Variants in KAZN observed in about 807,000 individuals in gnomAD.
The protein encoded by KAZN is kazrin, periplakin interacting protein.
Under a neutral mutation model 87.4 loss-of-function variants are expected in KAZN, and 40 were observed. That is an observed-to-expected ratio of 0.46 (90% CI 0.36 to 0.60). The LOEUF is 0.60. Among genes scored for constraint, KAZN ranks in the 20% least tolerant of loss-of-function variants. KAZN has a pLI of 0.00. For missense variants in KAZN, 898 were observed against 1,073.9 expected (o/e 0.84, Z 2.29); for synonymous variants, 466 against 458.3 (o/e 1.02, Z -0.22).
intron 2 of KAZN, among the ~76,000 whole-genome samples, chr1:14,317,890 C>CTT (rs777263233): frequency 1.3e-4 from 20 of 151,904 alleles, no homozygotes; most frequent in Non-Finnish European, 2.1e-4. Flanking sequence ...AGTTATTGCA[C>CTT]TTTATTTTTT....
intron 3 of KAZN, among the ~76,000 whole-genome samples, chr1:15,039,850 T>G (rs993640004): frequency 4.6e-5 from 7 of 152,224 alleles, no homozygotes; most frequent in African/African-American, 1.7e-4. Flanking sequence ...TGGCTATGAC[T>G]GCCGGGGGCA....
chr1:14,059,221 A>C (rs1642693133), intron 1 of KAZN, among the ~76,000 whole-genome samples: 1 of 152,220 alleles, frequency 6.6e-6, no homozygotes, highest in African/African-American at 2.4e-5. Flanking sequence ...TCCCCACAGT[A>C]GGTCACCTGT....
chr1:14,713,661 C>T (rs998768666), intron 1 of KAZN, among the ~76,000 whole-genome samples: 23 of 150,344 alleles, frequency 1.5e-4, no homozygotes, highest in Non-Finnish European at 2.2e-4. Context: ...CAAGGCTAGC[C>T]GAGTACAGTG....
At chr1:15,062,963 G>A (rs2100545300) in intron 6 of KAZN, 1 of 152,738 alleles carries the variant, frequency 6.5e-6, no homozygotes, top group African/African-American at 2.4e-5. Context: ...TGCCTGGAAG[G>A]AGCACTGTGC....
At chr1:14,022,384 C>T (rs1315909089) in intron 1 of KAZN, among the ~76,000 whole-genome samples, 1 of 144,140 alleles carries the variant, frequency 6.9e-6, no homozygotes, top group Non-Finnish European at 1.5e-5. Flanking sequence ...TGCAAGTACA[C>T]AATAAATGAT....
At chr1:14,515,824 C>G (rs1671269442) in intron 2 of KAZN, among the ~76,000 whole-genome samples, 1 of 151,946 alleles carries the variant, frequency 6.6e-6, no homozygotes, top group Admixed American at 6.6e-5. Flanking sequence ...TCAAATGGTT[C>G]TTACTTCTCC....
At chr1:14,097,936 A>G (rs1435140875) in intron 1 of KAZN, among the ~76,000 whole-genome samples, 1 of 152,188 alleles carries the variant, frequency 6.6e-6, no homozygotes, top group Non-Finnish European at 1.5e-5. Context: ...GCATGCCATG[A>G]TAGTGTCAGT....
chr1:14,417,584 C>G (rs973921579), intron 2 of KAZN, among the ~76,000 whole-genome samples: 1 of 152,160 alleles, frequency 6.6e-6, no homozygotes, highest in Non-Finnish European at 1.5e-5. Context: ...TGGTTGGAGT[C>G]AAACCAGAGA....
intron 2 of KAZN, among the ~76,000 whole-genome samples, chr1:15,004,425 T>C (rs1222161082): frequency 6.6e-6 from 1 of 152,214 alleles, no homozygotes; most frequent in African/African-American, 2.4e-5. Flanking sequence ...TGGGCATGGC[T>C]CTCAGCTTTG....
intron 1 of KAZN, among the ~76,000 whole-genome samples, chr1:14,695,486 C>A (rs995335913): frequency 8.6e-6 from 1 of 116,788 alleles, no homozygotes; most frequent in African/African-American, 2.8e-5. Flanking sequence ...GGAATGCCAC[C>A]TCTTTCCCCA....
chr1:14,814,625 G>A (rs1646512353), intron 1 of KAZN, among the ~76,000 whole-genome samples: 1 of 152,192 alleles, frequency 6.6e-6, no homozygotes, highest in Non-Finnish European at 1.5e-5. Flanking sequence ...TGAAAACCCA[G>A]CAAGGGCTCC....
intron 1 of KAZN, among the ~76,000 whole-genome samples, chr1:14,728,789 G>C (rs1643539753): frequency 6.6e-6 from 1 of 152,154 alleles, no homozygotes; most frequent in Non-Finnish European, 1.5e-5. Flanking sequence ...GAACAAATTT[G>C]TGAAGGCCTC....
At chr1:15,043,116 A>G (rs1051290655) in intron 3 of KAZN, among the ~76,000 whole-genome samples, 3 of 152,306 alleles carry the variant, frequency 2.0e-5, no homozygotes, top group Admixed American at 6.5e-5. Flanking sequence ...GGGCTGGGGC[A>G]AGCGGCTGAG....
intron 2 of KAZN, among the ~76,000 whole-genome samples, chr1:14,329,915 G>A (rs1439867326): frequency 6.6e-6 from 1 of 152,182 alleles, no homozygotes; most frequent in Non-Finnish European, 1.5e-5. Flanking sequence ...CGTCTTCTAG[G>A]ATGGAAGAGT....
At chr1:14,883,425 A>AAGAAAG (rs1653701130) in intron 1 of KAZN, among the ~76,000 whole-genome samples, 3 of 149,952 alleles carry the variant, frequency 2.0e-5, no homozygotes, top group Non-Finnish European at 4.4e-5. Flanking sequence ...GAAAGAAAGA[A>AAGAAAG]AAGCGGTTCT....
intron 2 of KAZN, among the ~76,000 whole-genome samples, chr1:14,264,073 C>T (rs770917854): frequency 9.2e-5 from 14 of 152,248 alleles, no homozygotes; most frequent in Non-Finnish European, 1.5e-4. Context: ...CACTTGTTAT[C>T]TTACAGTTCT....
chr1:14,908,136 A>T (rs935794065), intron 1 of KAZN, among the ~76,000 whole-genome samples: 2 of 152,164 alleles, frequency 1.3e-5, no homozygotes, highest in Non-Finnish European at 2.9e-5. Context: ...GGTGGCTCAC[A>T]CCTGTAATGC....
chr1:14,551,787 G>A (rs1048263322), intron 2 of KAZN, among the ~76,000 whole-genome samples: 3 of 152,124 alleles, frequency 2.0e-5, no homozygotes, highest in Non-Finnish European at 4.4e-5. Context: ...TTGAACCACA[G>A]AGTGGGCAAT....
chr1:14,245,975 T>G (rs1649465623), intron 2 of KAZN, among the ~76,000 whole-genome samples: 1 of 152,188 alleles, frequency 6.6e-6, no homozygotes, highest in African/African-American at 2.4e-5. Flanking sequence ...GTGGTACATA[T>G]GCACCATGGA....
Sources: gnomAD v4.1 joint callset for allele counts (sites outside exome capture counted in the v4.1 genomes callset) on GRCh38, gnomAD v4.1.1 for gene constraint, MANE v1.5 for transcripts, NCBI Gene and HGNC (gene_info 2026-07-23, HGNC 2026-07-21) for gene names.